Variants in AK5 observed in about 807,000 individuals in gnomAD.
AK5 encodes the protein adenylate kinase isoenzyme 5.
A neutral mutation model predicts 69.5 loss-of-function variants in AK5; 27 were observed. The observed-to-expected ratio is 0.39, with a 90% CI of 0.29 to 0.54. AK5 has a LOEUF of 0.54. AK5 is among the 20% of genes least tolerant of loss of function. The pLI, the probability that AK5 is intolerant of heterozygous loss-of-function variation, is 0.71. For synonymous variants in AK5, 260 were observed against 244.4 expected, an observed-to-expected ratio of 1.06 and a Z score of -0.60; for missense variants, 531 against 700.4, an observed-to-expected ratio of 0.76 and a Z score of 2.73.
intron 8 of AK5, among the ~76,000 whole-genome samples, chr1:77,444,808 C>T (rs191098117): frequency 3.3e-5 from 5 of 150,574 alleles, no homozygotes; most frequent in African/African-American, 1.2e-4. Flanking sequence ...AACTCCTGGG[C>T]TCAAGCAGTC....
chr1:77,510,811 A>T (rs888754282), intron 10 of AK5, among the ~76,000 whole-genome samples: 2 of 152,064 alleles, frequency 1.3e-5, no homozygotes, highest in Non-Finnish European at 2.9e-5. Flanking sequence ...AAGCAGACCC[A>T]GATCCCATAC....
intron 8 of AK5, among the ~76,000 whole-genome samples, chr1:77,477,347 A>G (rs914723486): frequency 2.6e-5 from 4 of 152,100 alleles, no homozygotes; most frequent in Non-Finnish European, 4.4e-5. Context: ...TTTTTAAATT[A>G]TTATTCCATC....
At chr1:77,495,647 A>G (rs903422183) in intron 10 of AK5, among the ~76,000 whole-genome samples, 44 of 152,194 alleles carry the variant, frequency 2.9e-4, no homozygotes, top group African/African-American at 1.1e-3. Flanking sequence ...AGCACTGCCA[A>G]AACTACTTCT....
At chr1:77,532,035 A>T (rs1658661051) in intron 12 of AK5, 1 of 151,270 alleles carries the variant, frequency 6.6e-6, no homozygotes, top group Admixed American at 6.6e-5. Context: ...CGCGGAATCC[A>T]CGCCCACCTG....
chr1:77,356,916 A>C (rs993757370), intron 6 of AK5, among the ~76,000 whole-genome samples: 1 of 152,228 alleles, frequency 6.6e-6, no homozygotes, highest in African/African-American at 2.4e-5. Context: ...CTTAACAGTC[A>C]GAAGAAGTGT....
chr1:77,494,838 G>A (rs1342813475), intron 10 of AK5, among the ~76,000 whole-genome samples: 1 of 151,046 alleles, frequency 6.6e-6, no homozygotes, highest in Non-Finnish European at 1.5e-5. Flanking sequence ...CTGGAGTGCA[G>A]TGGCTCTATC....
intron 6 of AK5, among the ~76,000 whole-genome samples, chr1:77,371,205 G>A (rs1647115799): frequency 6.6e-6 from 1 of 152,126 alleles, no homozygotes. Flanking sequence ...CCTAACCACA[G>A]TTCTCACATG....
intron 8 of AK5, among the ~76,000 whole-genome samples, chr1:77,481,435 T>C (rs76062322): frequency 0.01 from 1,553 of 152,304 alleles, 35 homozygotes; most frequent in East Asian, 0.079. Flanking sequence ...TGTAAATGTG[T>C]CCCTGAATGA....
chr1:77,376,553 A>G (rs566507248), intron 6 of AK5, among the ~76,000 whole-genome samples: 2 of 145,020 alleles, frequency 1.4e-5, no homozygotes, highest in Admixed American at 1.4e-4. Flanking sequence ...TTTCTCTTTG[A>G]TTTTCAAAAA....
In AK5 at chr1:77,521,833, G is replaced by A. The variant is rs759165576; in HGVS notation, c.1318G>A (p.Val440Ile). Residue 440 changes from valine (V) to isoleucine (I), a missense_variant, in exon 12 of 14, where the codon GTT becomes ATT. Physicochemically the swap from Val to Ile is conservative, Grantham distance 29. Transcript: ENST00000354567. The part of the protein sequence containing the change: ...ERGDLVPSGI[V>I]LELLKEAMVA... ...CACTCTCGCTTTGCTCCAGGGCATC[G>A]TTTTGGAGCTCCTGAAGGAGGCCAT... 1.1e-5 allele frequency: 18 copies of A among 1,613,314 alleles called. No individual in the cohort carries two copies. Among genetic ancestry groups the A allele is most frequent in the South Asian group, 3.3e-5 (3 of 91,030 alleles).
intron 10 of AK5, among the ~76,000 whole-genome samples, chr1:77,503,787 C>A (rs967593613): frequency 1.3e-5 from 2 of 151,898 alleles, no homozygotes; most frequent in African/African-American, 2.4e-5. Flanking sequence ...CGCCTGCAAT[C>A]CCAGCTACTC....
At chr1:77,543,678 A>G (rs1418330564) in intron 13 of AK5, among the ~76,000 whole-genome samples, 1 of 152,148 alleles carries the variant, frequency 6.6e-6, no homozygotes, top group African/African-American at 2.4e-5. Flanking sequence ...GACCATAGAC[A>G]TGAACCACTG....
At chr1:77,427,118 C>T (rs1050331635) in intron 8 of AK5, among the ~76,000 whole-genome samples, 1 of 151,246 alleles carries the variant, frequency 6.6e-6, no homozygotes, top group Non-Finnish European at 1.5e-5. Flanking sequence ...AAATTAAGTC[C>T]AAAGTAAGCC....
chr1:77,369,910 A>C (rs147343617), intron 6 of AK5, among the ~76,000 whole-genome samples: 1 of 152,326 alleles, frequency 6.6e-6, no homozygotes, highest in East Asian at 1.9e-4. Flanking sequence ...CACAAAACGC[A>C]CTTTAATGCC....
intron 12 of AK5, among the ~76,000 whole-genome samples, chr1:77,523,249 A>G (rs989920412): frequency 6.6e-6 from 1 of 152,188 alleles, no homozygotes; most frequent in Non-Finnish European, 1.5e-5. Context: ...TCTAGTTGGC[A>G]TGGGTGGACC....
chr1:77,345,907 A>T (rs1216100100), intron 6 of AK5: 2 of 152,194 alleles, frequency 1.3e-5, no homozygotes, highest in Non-Finnish European at 2.9e-5. Context: ...AAACAGAACT[A>T]CTACTAATAG....
intron 5 of AK5, chr1:77,313,722 C>CTCTGCTGGCA (rs2100300622): frequency 8.5e-6 from 4 of 470,502 alleles, no homozygotes; most frequent in Admixed American, 2.3e-5. Context: ...GTTTGCTTTC[C>CTCTGCTGGCA]GTACCCTGTG....
intron 12 of AK5, among the ~76,000 whole-genome samples, chr1:77,527,178 C>G (rs971888258): frequency 3.3e-5 from 5 of 152,264 alleles, no homozygotes; most frequent in Admixed American, 3.3e-4. Flanking sequence ...TAAATGTCTT[C>G]TAAGCTATAA....
At chr1:77,542,814 C>T (rs116202774) in intron 13 of AK5, among the ~76,000 whole-genome samples, 2 of 151,992 alleles carry the variant, frequency 1.3e-5, no homozygotes, top group Admixed American at 1.3e-4. Flanking sequence ...ACATTTTGTT[C>T]ATGGCATAAT....
Sources: allele counts gnomAD v4.1 joint callset (sites outside exome capture counted in the v4.1 genomes callset), GRCh38; gene constraint gnomAD v4.1.1; transcripts MANE v1.5; gene names NCBI Gene and HGNC (gene_info 2026-07-23, HGNC 2026-07-21).